Variants in FYN observed in about 807,000 individuals in gnomAD.
FYN encodes the protein FYN proto-oncogene, Src family tyrosine kinase.
FYN carries 10 observed loss-of-function variants against 70.2 expected under a neutral mutation model. That is an observed-to-expected ratio of 0.14 (90% confidence interval 0.09 to 0.24). The LOEUF is 0.24. FYN is among the 10% of genes least tolerant of loss of function. The pLI is 1.00. For missense variants in FYN, 319 were observed against 673.1 expected (o/e 0.47, Z 5.82); for synonymous variants, 236 against 248.6 (o/e 0.95, Z 0.48).
At chr6:111,732,731 G>A (rs963327893) in intron 3 of FYN, among the ~76,000 whole-genome samples, 3 of 152,142 alleles carry the variant, frequency 2.0e-5, no homozygotes, top group Non-Finnish European at 2.9e-5. Flanking sequence ...GGAGCTGGTC[G>A]TCCTCCACTT....
intron 4 of FYN, among the ~76,000 whole-genome samples, chr6:111,717,290 T>C (rs1800693116): frequency 1.3e-5 from 2 of 151,746 alleles, no homozygotes; most frequent in African/African-American, 2.4e-5. Flanking sequence ...ACATCTGAAA[T>C]TGAAAAAAAA....
At chr6:111,773,577 G>GGGAGGGAGA (rs1803569745) in intron 3 of FYN, among the ~76,000 whole-genome samples, 1 of 24,212 alleles carries the variant, frequency 4.1e-5, no homozygotes, top group Non-Finnish European at 7.1e-5. Flanking sequence ...AGGGAGAGGG[G>GGGAGGGAGA]GAGGGGGAGG....
intron 12 of FYN, among the ~76,000 whole-genome samples, chr6:111,678,108 A>ATGTGTGTGTGTGTGTG (rs57015847): frequency 0.021 from 2,004 of 93,810 alleles, 19 homozygotes; most frequent in African/African-American, 0.034. Flanking sequence ...AGGCCATAAT[A>ATGTGTGTGTGTGTGTG]TGTGTGTGTG....
At chr6:111,826,363 T>C (rs1291328755) in intron 2 of FYN, among the ~76,000 whole-genome samples, 4 of 147,594 alleles carry the variant, frequency 2.7e-5, no homozygotes, top group Admixed American at 2.0e-4. Context: ...TATATGTGTA[T>C]ATGTGTATGT....
intron 9 of FYN, 70 bp from the exon 10 acceptor site, chr6:111,696,526 G>A (rs1799582526): frequency 8.0e-7 from 1 of 1,247,148 alleles, no homozygotes; most frequent in Admixed American, 2.5e-5. Context: ...TTGACCACCA[G>A]CTATTTGCAT....
rs71759856 is a variant in FYN, at chr6:111,750,717, ATT to A, written c.-12+29847_-12+29848del. ...GATTCATGCCAGTACAATTCATGTC[ATT>A]TTTTTTTTTTTTTTTTTACTAACAT... On this transcript the variant is annotated intron_variant, in intron 3 of 13. Transcript: ENST00000354650. Among the ~76,000 whole-genome samples, 328 of 130,700 alleles carry A rather than the reference ATT, an allele frequency of 2.5e-3. 1 individual carries two copies. Among genetic ancestry groups the A allele is most frequent in the African/African-American group, 8.8e-3 (310 of 35,156 alleles). 85.7% of individuals were successfully genotyped at this position (130,700 alleles called of 152,430 possible). A position where few individuals can be genotyped will look rare whatever the true frequency, so the allele number is the denominator to read the frequency against.
intron 2 of FYN, among the ~76,000 whole-genome samples, chr6:111,815,644 AGAGACATT>A (rs1314615581): frequency 5.9e-5 from 9 of 152,144 alleles, no homozygotes; most frequent in African/African-American, 2.2e-4. Context: ...TCCAAAGGCC[AGAGACATT>A]GGTCATCTTT....
chr6:111,787,283 T>C (rs528229739), intron 2 of FYN, among the ~76,000 whole-genome samples: 4 of 152,352 alleles, frequency 2.6e-5, no homozygotes, highest in Non-Finnish European at 4.4e-5. Flanking sequence ...TTTCTACGTA[T>C]GGCTAGCCAG....
At position 111,696,386 on chromosome 6, in the gene FYN, G is replaced by A. The variant is rs778405866; in HGVS notation, c.933C>T (p.Phe311=). 3 of 1,613,638 alleles carry A rather than the reference G, an allele frequency of 1.9e-6. No individual in the cohort carries two copies. Among genetic ancestry groups the A allele is most frequent in the Non-Finnish European group, 2.5e-6 (3 of 1,179,848 alleles). Residue 311 remains phenylalanine, a synonymous_variant, in exon 10 of 14, where the codon TTC becomes TTT. Transcript: ENST00000354650. ...LKPGTMSPES[F]LEEAQIMKKL... ...TCTTCATGATCTGCGCTTCCTCAAG[G>A]AATGATTCGGGGGACATTGTGCCTG...
intron 13 of FYN, among the ~76,000 whole-genome samples, chr6:111,667,424 AT>A (rs142584425): frequency 2.0e-5 from 3 of 146,758 alleles, no homozygotes; most frequent in Non-Finnish European, 1.5e-5. Flanking sequence ...ATTTTTATTT[AT>A]TTTTTTTTTG....
At chr6:111,722,471 T>A (rs879436719) in intron 3 of FYN, among the ~76,000 whole-genome samples, 18 of 152,236 alleles carry the variant, frequency 1.2e-4, no homozygotes, top group Admixed American at 2.0e-4. Context: ...AACTCTTTCG[T>A]GGTGGAAAGT....
intron 1 of FYN, among the ~76,000 whole-genome samples, chr6:111,847,757 A>C (rs1335099137): frequency 2.0e-5 from 3 of 152,246 alleles, no homozygotes; most frequent in Non-Finnish European, 2.9e-5. Flanking sequence ...ACTCGGAATG[A>C]AGGAAAGAAA....
chr6:111,683,404 C>A (rs1554273692), intron 12 of FYN, among the ~76,000 whole-genome samples: 4 of 152,172 alleles, frequency 2.6e-5, no homozygotes, highest in Non-Finnish European at 5.9e-5. Flanking sequence ...AAGTCTCTCT[C>A]TTTTTTATTT....
chr6:111,766,883 T>C (rs1377494848), intron 3 of FYN, among the ~76,000 whole-genome samples: 1 of 152,150 alleles, frequency 6.6e-6, no homozygotes, highest in African/African-American at 2.4e-5. Flanking sequence ...AGCCAAATCA[T>C]ATAATGTCTT....
At chr6:111,772,715 GC>G (rs1289418287) in intron 3 of FYN, among the ~76,000 whole-genome samples, 2 of 152,142 alleles carry the variant, frequency 1.3e-5, no homozygotes, top group African/African-American at 4.8e-5. Context: ...AAGCAGACAA[GC>G]CCAGAGTGTA....
intron 3 of FYN, among the ~76,000 whole-genome samples, chr6:111,757,618 G>T (rs1481934618): frequency 6.6e-6 from 1 of 152,188 alleles, no homozygotes; most frequent in South Asian, 2.1e-4. Context: ...CTCCAAAATG[G>T]CATCCCACAT....
intron 3 of FYN, chr6:111,741,094 C>T (rs1801939832): frequency 6.8e-6 from 1 of 147,918 alleles, no homozygotes; most frequent in Non-Finnish European, 1.5e-5. Context: ...GAGTGAGACC[C>T]TGTCTCAAAA....
chr6:111,732,497 G>T (rs190785955), intron 3 of FYN, among the ~76,000 whole-genome samples: 1 of 152,144 alleles, frequency 6.6e-6, no homozygotes, highest in Non-Finnish European at 1.5e-5. Flanking sequence ...GGGTGAAGGC[G>T]GGTGAAGGCA....
intron 3 of FYN, among the ~76,000 whole-genome samples, chr6:111,735,244 G>A (rs1451314758): frequency 6.6e-6 from 1 of 152,212 alleles, no homozygotes; most frequent in African/African-American, 2.4e-5. Context: ...GAAGAAGACA[G>A]GCTCCCTGCT....
Sources: allele counts gnomAD v4.1 joint callset (sites outside exome capture counted in the v4.1 genomes callset), GRCh38; gene constraint gnomAD v4.1.1; transcripts MANE v1.5; gene names NCBI Gene and HGNC (gene_info 2026-07-23, HGNC 2026-07-21).